PXK: variants seen among roughly 807,000 people sequenced by gnomAD.
PXK encodes the protein PX domain-containing protein kinase-like protein.
PXK carries 35 observed loss-of-function variants against 84.7 expected under a neutral mutation model. The observed-to-expected ratio is 0.41, with a 90% confidence interval of 0.32 to 0.55. The LOEUF (loss-of-function observed/expected upper bound fraction) is 0.55. Among genes scored for constraint, PXK ranks in the 20% least tolerant of loss-of-function variants. PXK has a pLI of 0.21. For synonymous variants in PXK, 253 were observed against 260.8 expected (o/e 0.97, Z 0.29); for missense variants, 634 against 699.7 (o/e 0.91, Z 1.06).
At chr3:58,380,742 G>A (rs576755589) in intron 3 of PXK, among the ~76,000 whole-genome samples, 7 of 151,876 alleles carry the variant, frequency 4.6e-5, no homozygotes, top group Non-Finnish European at 7.4e-5. Flanking sequence ...CCCGGGAGGC[G>A]GAGTTTGCTG....
intron 3 of PXK, among the ~76,000 whole-genome samples, chr3:58,371,854 C>G (rs1421123374): frequency 1.3e-5 from 2 of 151,962 alleles, no homozygotes; most frequent in Non-Finnish European, 2.9e-5. Flanking sequence ...TTTCTGGATT[C>G]AAGTAAACAA....
Position 58,399,988 on chromosome 3 carries a change from C to T in PXK, c.1181+611C>T, listed in dbSNP as rs2058312889. 2.0e-5 allele frequency among the ~76,000 whole-genome samples: 3 copies of T among 152,028 alleles called. No individual in the cohort carries two copies. The highest frequency in any genetic ancestry group is 2.0e-4 in the Admixed American group (3 of 15,246). ...GCTGAAATAGTGCTGTGGGGCCTTC[C>T]CTTCAGGTGCATTTTCTGTTCTTTC... On this transcript the variant is annotated intron_variant, in intron 12 of 17. Transcript: ENST00000356151. The surrounding 1 kb of genome is among the most constrained non-coding windows in gnomAD (Gnocchi z 4.3).
In PXK at chr3:58,412,821, C is replaced by T; in HGVS notation, c.1466-80C>T. 1.4e-6 allele frequency: 2 copies of T among 1,386,190 alleles called. No homozygotes were observed. The highest frequency in any genetic ancestry group is 2.1e-6 in the Non-Finnish European group (2 of 972,920). The allele number at this position is 1,386,190 out of a possible 1,614,324, so 85.9% of individuals were successfully genotyped here. A position where few individuals can be genotyped will look rare whatever the true frequency, so the allele number is the denominator to read the frequency against. On this transcript the variant is annotated intron_variant, in intron 16 of 17. Transcript: ENST00000356151. This position sits in a 1 kb window ranked among gnomAD's most constrained non-coding sequence, Gnocchi z 6.2. The stretch of plus-strand genomic sequence containing the variant: ...ACTAAGCCAAATGTAGATTCTCAGA[C>T]AGCAGTGGGTCCCAGCCTGGGCCAA...
chr3:58,333,033 C>T lies in PXK; in HGVS notation c.45C>T (p.Asp15=), dbSNP rs1221101692. ...EKPPAGKVLL[D]DTVPLTAAIE... ...CGCCAGCCGGCAAGGTGCTGCTGGA[C>T]GACACGGTGCCGCTGACAGCAGCCA... The change falls in exon 1 of 18, where the codon GAC becomes GAT. Residue 15 remains aspartate (D), a synonymous_variant. Coordinates refer to ENST00000356151, the MANE Select transcript of PXK (RefSeq NM_017771.5). The surrounding 1 kb of genome is among the most constrained non-coding windows in gnomAD (Gnocchi z 5.4). The T allele has an allele frequency of 1.5e-6, 2 of 1,358,210 alleles. No individual in the cohort carries two copies. The highest frequency in any genetic ancestry group is 2.3e-4 in the Middle Eastern group (1 of 4,392). 84.1% of individuals were successfully genotyped at this position (1,358,210 alleles called of 1,614,324 possible).
In PXK at chr3:58,351,395, T is replaced by TGTGTGTG. The variant is rs2097920196; in HGVS notation, c.103-14479_103-14478insGTGTGTG. ...GGTGTGCGCCACCACAGCTAGCTATTTGTGTGTGTGTGTGTGTGTGTGTGT... is the reference window on the plus strand; with the variant it reads ...GGTGTGCGCCACCACAGCTAGCTATTGTGTGTGTGTGTGTGTGTGTGTGTGTGTGTGT... On this transcript the variant is annotated intron_variant, in intron 1 of 17. Coordinates refer to ENST00000356151, the MANE Select transcript of PXK (RefSeq NM_017771.5). Among the ~76,000 whole-genome samples, 7 of 140,688 alleles carry TGTGTGTG rather than the reference T, an allele frequency of 5.0e-5. No individual in the cohort carries two copies. In the South Asian group the frequency reaches 1.7e-3, roughly 33 times the overall value. The allele number at this position is 140,688 out of a possible 152,430, so 92.3% of individuals were successfully genotyped here.
rs2098519511 is a variant in PXK, at chr3:58,383,064, G to A, written c.388+364G>A. On this transcript the variant is annotated intron_variant, in intron 4 of 17. Coordinates refer to ENST00000356151, the MANE Select transcript of PXK (RefSeq NM_017771.5). The surrounding 1 kb of genome is among the most constrained non-coding windows in gnomAD (Gnocchi z 4.0). Reference sequence around the variant, plus strand: ...CCCAGCACTTTGGGAGGCCAAGGCGGTTGGATCACCTGAGGTCAGGAGTTT... The same window carrying A: ...CCCAGCACTTTGGGAGGCCAAGGCGATTGGATCACCTGAGGTCAGGAGTTT... 6.6e-6 allele frequency among the ~76,000 whole-genome samples: 1 copy of A among 152,240 alleles called. No homozygotes were observed. The highest frequency in any genetic ancestry group is 1.5e-5 in the Non-Finnish European group (1 of 68,052).
rs548512771 is a variant in PXK, at chr3:58,414,120, C to A, written c.1528+1157C>A. On this transcript the variant is annotated intron_variant, in intron 17 of 17. Coordinates refer to ENST00000356151, the MANE Select transcript of PXK (RefSeq NM_017771.5). This position sits in a 1 kb window ranked among gnomAD's most constrained non-coding sequence, Gnocchi z 4.5. The stretch of plus-strand genomic sequence containing the variant: ...AATGTTGATCAAGACAGAAAATAGG[C>A]CTTTTTTGTCTTTTATGGAGATACA... 2.0e-5 allele frequency: 3 copies of A among 151,832 alleles called. 1 individual carries two copies. Among genetic ancestry groups the A allele is most frequent in the South Asian group, 4.2e-4 (2 of 4,790 alleles). The allele number at this position is 151,832 out of a possible 1,614,324, so 9.4% of individuals were successfully genotyped here.
rs1441888947 is a variant in PXK, at chr3:58,404,027, C to T, written c.1230+117C>T. On this transcript the variant is annotated intron_variant, in intron 13 of 17. Coordinates refer to ENST00000356151, the MANE Select transcript of PXK (RefSeq NM_017771.5). Reference sequence around the variant, plus strand: ...ATAATAGGGAAAATTGGGAAATAACCTAAATGTCCTACAATTAGGGGCTAG... The same window carrying T: ...ATAATAGGGAAAATTGGGAAATAACTTAAATGTCCTACAATTAGGGGCTAG... The T allele has an allele frequency of 9.2e-6, 5 of 544,298 alleles. No individual in the cohort carries two copies. The South Asian group carries it at 3.1e-4, about 34-fold the overall frequency. The allele number at this position is 544,298 out of a possible 1,614,324, so 33.7% of individuals were successfully genotyped here.
chr3:58,387,220 T>C (rs545510699), intron 4 of PXK, among the ~76,000 whole-genome samples: 3 of 152,312 alleles, frequency 2.0e-5, no homozygotes, highest in South Asian at 2.1e-4. Context: ...ATCAGCACTT[T>C]CTGAGCATGC....
In PXK at chr3:58,401,795, C is replaced by T. The variant is rs1296277499; in HGVS notation, c.1182-2067C>T. 2.0e-5 allele frequency among the ~76,000 whole-genome samples: 3 copies of T among 151,778 alleles called. No homozygotes were observed. Among genetic ancestry groups the T allele is most frequent in the East Asian group, 3.9e-4 (2 of 5,172 alleles). The stretch of plus-strand genomic sequence containing the variant: ...CAAAAAAATTAGCCGAGCGTGGTGG[C>T]GGGCGTCTGTAGTCCCAGCTACCCA... On this transcript the variant is annotated intron_variant, in intron 12 of 17. Coordinates refer to ENST00000356151, the MANE Select transcript of PXK (RefSeq NM_017771.5). This position sits in a 1 kb window ranked among gnomAD's most constrained non-coding sequence, Gnocchi z 4.4.
At chr3:58,408,226 G>A (rs2059676600) in intron 13 of PXK, among the ~76,000 whole-genome samples, 1 of 152,038 alleles carries the variant, frequency 6.6e-6, no homozygotes, top group Admixed American at 6.6e-5. Flanking sequence ...CTTTTCCATT[G>A]GTCTGTGTAT....
chr3:58,369,620 G>T (rs548864854), intron 3 of PXK, 142 bp downstream of exon 3: 4 of 593,560 alleles, frequency 6.7e-6, no homozygotes, highest in Non-Finnish European at 1.2e-5. Context: ...GAGGTCAGGC[G>T]TTCAAGACCA....
intron 17 of PXK, chr3:58,423,484 TGTAAA>T (rs1228542623): frequency 6.5e-7 from 1 of 1,533,284 alleles, no homozygotes; most frequent in African/African-American, 1.4e-5. Context: ...GAGTAAAAGA[TGTAAA>T]GAAAGGTAAG....
At chr3:58,403,773 T>G in intron 12 of PXK, 89 bp from the exon 13 acceptor site, 1 of 705,742 alleles carries the variant, frequency 1.4e-6, no homozygotes, top group Non-Finnish European at 2.2e-6. Flanking sequence ...GGAGACCTCA[T>G]GGGCTAAAGG....
rs145435475 is a variant in PXK at position 58,399,482 on chromosome 3, C to T, written c.1181+105C>T. 1.3e-3 allele frequency: 1,503 copies of T among 1,201,622 alleles called. 18 individuals are homozygous for T. The African/African-American group carries it at 0.021, about 16-fold the overall frequency. 74.4% of individuals were successfully genotyped at this position (1,201,622 alleles called of 1,614,324 possible). On this transcript the variant is annotated intron_variant, in intron 12 of 17. Transcript: ENST00000356151. This position sits in a 1 kb window ranked among gnomAD's most constrained non-coding sequence, Gnocchi z 4.3. ...GTAGTAAAGATTCTTGCGGTCCCTGCAGAGTTGGCGTGGCCTGCTTGCTGA... is the reference window on the plus strand; with the variant it reads ...GTAGTAAAGATTCTTGCGGTCCCTGTAGAGTTGGCGTGGCCTGCTTGCTGA...
At chr3:58,369,389 T>C in intron 2 of PXK, 42 bp from the exon 3 acceptor site, 6 of 1,469,226 alleles carry the variant, frequency 4.1e-6, no homozygotes, top group Non-Finnish European at 4.8e-6. Context: ...TGAAAAGAGA[T>C]AGTCTTTGCT....
chr3:58,397,549 G>C lies in PXK; in HGVS notation c.985-56G>C, dbSNP rs766727852. On this transcript the variant is annotated intron_variant, in intron 10 of 17. Coordinates refer to ENST00000356151, the MANE Select transcript of PXK (RefSeq NM_017771.5). This position sits in a 1 kb window ranked among gnomAD's most constrained non-coding sequence, Gnocchi z 4.7. ...CAGAGAAGCCTTGGGGCAGGAGCGC[G>C]AGGGTCCACAAAGCCAAAGTGAAGG... 95 of 1,420,236 alleles carry C rather than the reference G, an allele frequency of 6.7e-5. No homozygotes were observed. Among genetic ancestry groups the C allele is most frequent in the Non-Finnish European group, 9.3e-5 (93 of 1,003,896 alleles). The allele number at this position is 1,420,236 out of a possible 1,614,324, so 88.0% of individuals were successfully genotyped here.
At position 58,397,646 on chromosome 3, in the gene PXK, G is replaced by A. The variant is rs780926584; in HGVS notation, c.1026G>A (p.Leu342=). 2 of 1,614,130 alleles carry A rather than the reference G, an allele frequency of 1.2e-6. No individual in the cohort carries two copies. The highest frequency in any genetic ancestry group is 1.3e-5 in the African/African-American group (1 of 75,018). The change falls in exon 11 of 18, where the codon CTG becomes CTA. Residue 342 remains leucine, a synonymous_variant. Transcript: ENST00000356151. The surrounding 1 kb of genome is among the most constrained non-coding windows in gnomAD (Gnocchi z 4.7). Reference sequence around the variant, plus strand: ...ATGTCCACTGCTTTGGCCACTTACTGTATGAAATGACTTATGGACGACCGC... The same window carrying A: ...ATGTCCACTGCTTTGGCCACTTACTATATGAAATGACTTATGGACGACCGC... ...SVDVHCFGHL[L]YEMTYGRPPD...
chr3:58,360,797 A>T lies in PXK; in HGVS notation c.103-5077A>T, dbSNP rs143231589. The stretch of plus-strand genomic sequence containing the variant: ...CAGTGAGCTGAGATTGCACCATTGC[A>T]CTCCAACCTAGGCAACAAAGTGAGA... On this transcript the variant is annotated intron_variant, in intron 1 of 17. Transcript: ENST00000356151. Among the ~76,000 whole-genome samples, 1,428 of 150,976 alleles carry T rather than the reference A, an allele frequency of 9.5e-3. 29 individuals carry two copies. Among genetic ancestry groups the T allele is most frequent in the African/African-American group, 0.033 (1,356 of 41,036 alleles).
Sources: allele counts gnomAD v4.1 joint callset (sites outside exome capture counted in the v4.1 genomes callset), GRCh38; gene constraint gnomAD v4.1.1; non-coding constraint Gnocchi (gnomAD v3.1); transcripts MANE v1.5; gene names NCBI Gene and HGNC (gene_info 2026-07-23, HGNC 2026-07-21).